NKX1-1: variants seen among roughly 807,000 people sequenced by gnomAD.
NKX1-1 encodes the protein NK1 transcription factor-related protein 1.
In NKX1-1, 7 loss-of-function variants were observed where a neutral mutation model predicts 1.7. The ratio of observed to expected loss-of-function variants is 4.22; its 90% CI spans 2.40 to 7.92. NKX1-1 has a LOEUF of 7.92. Ranked by LOEUF, NKX1-1 falls within the 30% of genes most tolerant of loss-of-function variation. The probability of loss-of-function intolerance (pLI) is 0.00; values close to 1 mark genes in which losing one functional copy is unlikely to be tolerated. For missense variants in NKX1-1, 453 were observed against 171.5 expected, an observed-to-expected ratio of 2.64 and a Z score of -9.17; for synonymous variants, 242 against 85.3, an observed-to-expected ratio of 2.84 and a Z score of -10.13.
intron 1 of NKX1-1, 135 bp from the exon 2 acceptor site, chr4:1,403,950 C>G (rs1285799310): frequency 1.1e-5 from 5 of 474,334 alleles, no homozygotes; most frequent in African/African-American, 4.1e-5. Flanking sequence ...CTTCGTCACC[C>G]GCCTCCTCTC....
intron 1 of NKX1-1, among the ~76,000 whole-genome samples, chr4:1,404,758 G>C (rs993437936): frequency 6.6e-6 from 1 of 152,230 alleles, no homozygotes; most frequent in Non-Finnish European, 1.5e-5. Flanking sequence ...CGGCAGCCGC[G>C]GCCTGCTCTC....
At position 1,403,640 on chromosome 4, in the gene NKX1-1, C is replaced by G. The variant is rs1248408271; in HGVS notation, c.639G>C (p.Ala213=). The change falls in exon 2 of 2, where the codon GCG becomes GCC. Residue 213 remains alanine, a synonymous_variant. Transcript: ENST00000422806. ...ETEAARGAEE[A]RGGGGGLGAR... ...CCCCGAGGCCGCCGCCGCCTCCCCG[C>G]GCCTCCTCCGCGCCTCGCGCCGCCT... 1 of 557,336 alleles carries G rather than the reference C, an allele frequency of 1.8e-6. No homozygotes were observed. Among genetic ancestry groups the G allele is most frequent in the Admixed American group, 3.7e-5 (1 of 27,248 alleles). 34.5% of individuals were successfully genotyped at this position (557,336 alleles called of 1,614,324 possible).
intron 1 of NKX1-1, among the ~76,000 whole-genome samples, chr4:1,404,496 G>T (rs920653985): frequency 1.3e-5 from 2 of 152,218 alleles, no homozygotes; most frequent in Non-Finnish European, 2.9e-5. Context: ...CCGCGGGTAG[G>T]GCCCTGCTCG....
chr4:1,403,775 G>A lies in NKX1-1; in HGVS notation c.504C>T (p.Asn168=), dbSNP rs748044414. 9 of 683,684 alleles carry A rather than the reference G, an allele frequency of 1.3e-5. No homozygotes were observed. Among genetic ancestry groups the A allele is most frequent in the South Asian group, 1.2e-4 (8 of 66,436 alleles). The allele number at this position is 683,684 out of a possible 1,614,324, so 42.4% of individuals were successfully genotyped here. ...DPFKAGEAET[N]DTNGYSSGGG... ...CGCCGCTGCTGTAGCCGTTGGTGTCGTTGGTCTCGGCCTCCCCTGCCTTGA... is the reference window on the plus strand; with the variant it reads ...CGCCGCTGCTGTAGCCGTTGGTGTCATTGGTCTCGGCCTCCCCTGCCTTGA... The change falls in exon 2 of 2, where the codon AAC becomes AAT. Residue 168 remains asparagine (N), a synonymous_variant. Transcript: ENST00000422806.
In NKX1-1 at chr4:1,403,320, T is replaced by C. The variant is rs746988904; in HGVS notation, c.959A>G (p.Tyr320Cys). The change falls in exon 2 of 2, where the codon TAC (tyrosine) becomes TGC (cysteine). Residue 320 changes from tyrosine to cysteine, a missense_variant. Physicochemically the swap from Tyr to Cys is radical, Grantham distance 194 (BLOSUM62 -2). Transcript: ENST00000422806. ...ALENKFKATR[Y>C]LSVCERLNLA... The stretch of plus-strand genomic sequence containing the variant: ...GTTGAGGCGCTCGCACACCGACAGG[T>C]AGCGCGTGGCCTTGAACTTGTTCTC... 1.4e-6 allele frequency: 1 copy of C among 719,834 alleles called. No homozygotes were observed. The highest frequency in any genetic ancestry group is 1.5e-5 in the South Asian group (1 of 65,624). The allele number at this position is 719,834 out of a possible 1,614,324, so 44.6% of individuals were successfully genotyped here. A position where few individuals can be genotyped will look rare whatever the true frequency, so the allele number is the denominator to read the frequency against.
chr4:1,403,481 C>G lies in NKX1-1; in HGVS notation c.798G>C (p.Pro266=). 1.8e-6 allele frequency: 1 copy of G among 568,574 alleles called. No homozygotes were observed. The highest frequency in any genetic ancestry group is 3.1e-6 in the Non-Finnish European group (1 of 322,660). The allele number at this position is 568,574 out of a possible 1,614,324, so 35.2% of individuals were successfully genotyped here. A position where few individuals can be genotyped will look rare whatever the true frequency, so the allele number is the denominator to read the frequency against. The change falls in exon 2 of 2, where the codon CCG becomes CCC. Residue 266 remains proline (P), a synonymous_variant. Coordinates refer to ENST00000422806, the MANE Select transcript of NKX1-1 (RefSeq NM_001290079.1). ...AQGPPGGAAA[P]GGAGTTPQGT... ...CCTGCGGGGTGGTCCCCGCGCCCCC[C>G]GGCGCCGCTGCACCTCCCGGTGGGC...
At position 1,403,499 on chromosome 4, in the gene NKX1-1, C is replaced by A; in HGVS notation, c.780G>T (p.Pro260=). Residue 260 remains proline, a synonymous_variant, in exon 2 of 2, where the codon CCG becomes CCT. Coordinates refer to ENST00000422806, the MANE Select transcript of NKX1-1 (RefSeq NM_001290079.1). Reference sequence around the variant, plus strand: ...CGCCCCCCGGCGCCGCTGCACCTCCCGGTGGGCCCTGGGCAACGGGCGAGT... The same window carrying A: ...CGCCCCCCGGCGCCGCTGCACCTCCAGGTGGGCCCTGGGCAACGGGCGAGT... ...RENSPVAQGP[P]GGAAAPGGAG... The A allele has an allele frequency of 1.9e-6, 1 of 526,550 alleles. No individual in the cohort carries two copies. The highest frequency in any genetic ancestry group is 3.3e-6 in the Non-Finnish European group (1 of 302,290). 32.6% of individuals were successfully genotyped at this position (526,550 alleles called of 1,614,324 possible). A position where few individuals can be genotyped will look rare whatever the true frequency, so the allele number is the denominator to read the frequency against.
Position 1,406,308 on chromosome 4 carries a change from C to G in NKX1-1, c.135G>C (p.Pro45=), listed in dbSNP as rs905917710. The change falls in exon 1 of 2, where the codon CCG becomes CCC. Residue 45 remains proline (P), a synonymous_variant. Coordinates refer to ENST00000422806, the MANE Select transcript of NKX1-1 (RefSeq NM_001290079.1). ...GCGGGGCTCCAGCGCGGGGAAAGGC[C>G]GGCAGCTCGGCGCGCCCGTCCATAG... ...QEAMDGRAEL[P]AFPRAGAPPL... is the part of the protein sequence containing the mutation. The G allele has an allele frequency of 1.3e-5, 5 of 396,568 alleles. No individual in the cohort carries two copies. In the Admixed American group the frequency reaches 1.4e-4, roughly 11 times the overall value. The allele number at this position is 396,568 out of a possible 1,614,324, so 24.6% of individuals were successfully genotyped here.
At chr4:1,404,417 G>GC (rs1328918457) in intron 1 of NKX1-1, among the ~76,000 whole-genome samples, 1 of 152,170 alleles carries the variant, frequency 6.6e-6, no homozygotes, top group Non-Finnish European at 1.5e-5. Context: ...AAGCCTCCAG[G>GC]CCCTGAGCTT....
chr4:1,404,181 C>A (rs999282346), intron 1 of NKX1-1, among the ~76,000 whole-genome samples: 4 of 152,232 alleles, frequency 2.6e-5, no homozygotes, highest in African/African-American at 9.6e-5. Flanking sequence ...AAGCTCTGAT[C>A]GATCCGCAGG....
rs917927414 is a variant in NKX1-1 at position 1,403,488 on chromosome 4, G to GCTGCAC, written c.785_790dup (p.Gly262_Ala263dup). ...GGTGGTCCCCGCGCCCCCCGGCGCC[G>GCTGCAC]CTGCACCTCCCGGTGGGCCCTGGGC... is the stretch of plus-strand genomic sequence containing the variant. On this transcript the variant is annotated inframe_insertion, in exon 2 of 2. Transcript: ENST00000422806. The GCTGCAC allele has an allele frequency of 1.3e-5, 7 of 547,724 alleles. No homozygotes were observed. Among genetic ancestry groups the GCTGCAC allele is most frequent in the African/African-American group, 4.0e-5 (2 of 49,670 alleles). 33.9% of individuals were successfully genotyped at this position (547,724 alleles called of 1,614,324 possible).
intron 1 of NKX1-1, among the ~76,000 whole-genome samples, chr4:1,405,620 G>C (rs965592548): frequency 1.3e-5 from 2 of 152,096 alleles, no homozygotes; most frequent in Non-Finnish European, 2.9e-5. Context: ...GGCCTCGGGC[G>C]GGCACAGTGG....
chr4:1,406,071 G>A lies in NKX1-1; in HGVS notation c.372C>T (p.Ala124=). The change falls in exon 1 of 2, where the codon GCC becomes GCT. Residue 124 remains alanine, a synonymous_variant. Coordinates refer to ENST00000422806, the MANE Select transcript of NKX1-1 (RefSeq NM_001290079.1). Reference sequence around the variant, plus strand: ...CCGCGCGTGGCGGGCGTCCCGAGGCGGCGGGTGCAGGGGCGCATGGGGCCG... The same window carrying A: ...CCGCGCGTGGCGGGCGTCCCGAGGCAGCGGGTGCAGGGGCGCATGGGGCCG... ...CASAPCAPAP[A]ASGRPPRAEE... is the part of the protein sequence containing the mutation. The A allele has an allele frequency of 2.0e-6, 1 of 496,358 alleles. No individual in the cohort carries two copies. Among genetic ancestry groups the A allele is most frequent in the East Asian group, 3.5e-5 (1 of 28,444 alleles). 30.7% of individuals were successfully genotyped at this position (496,358 alleles called of 1,614,324 possible).
rs891848296 is a variant in NKX1-1 at position 1,405,731 on chromosome 4, C to T, written c.463+249G>A. ...CGCGCGGAGGCGAACCCTGGACCGGCCTCACAGCCCTGCAGCCCCTGGGCC... is the reference window on the plus strand; with the variant it reads ...CGCGCGGAGGCGAACCCTGGACCGGTCTCACAGCCCTGCAGCCCCTGGGCC... On this transcript the variant is annotated intron_variant, in intron 1 of 1. Transcript: ENST00000422806. Among the ~76,000 whole-genome samples the T allele has an allele frequency of 5.9e-5, 9 of 152,332 alleles. No homozygotes were observed. The East Asian group carries it at 1.7e-3, about 29-fold the overall frequency.
At position 1,402,945 on chromosome 4, in the gene NKX1-1, G is replaced by T. The variant is rs1456754732; in HGVS notation, c.1334C>A (p.Ala445Glu). The T allele has an allele frequency of 1.5e-6, 1 of 665,712 alleles. No individual in the cohort carries two copies. The highest frequency in any genetic ancestry group is 1.9e-5 in the African/African-American group (1 of 52,996). The allele number at this position is 665,712 out of a possible 1,614,324, so 41.2% of individuals were successfully genotyped here. ...GCGGCACGGGGCTCAGAGGTGCGGC[G>T]CGTAGAAGGCGGGCGCCCCGTAGGT... ...SQTYGAPAFY[A>E]PHL The change falls in exon 2 of 2, where the codon GCG (alanine) becomes GAG (glutamate). Residue 445 changes from alanine to glutamate, a missense_variant. Coordinates refer to ENST00000422806, the MANE Select transcript of NKX1-1 (RefSeq NM_001290079.1).
chr4:1,406,309 G>T lies in NKX1-1; in HGVS notation c.134C>A (p.Pro45Gln). ...QEAMDGRAEL[P>Q]AFPRAGAPPL... ...CGGGGCTCCAGCGCGGGGAAAGGCC[G>T]GCAGCTCGGCGCGCCCGTCCATAGC... Residue 45 changes from proline (P) to glutamine (Q), a missense_variant, in exon 1 of 2, where the codon CCG becomes CAG. Physicochemically the swap from Pro to Gln is moderately conservative, Grantham distance 76. Coordinates refer to ENST00000422806, the MANE Select transcript of NKX1-1 (RefSeq NM_001290079.1). 5.0e-6 allele frequency: 2 copies of T among 396,924 alleles called. No homozygotes were observed. Among genetic ancestry groups the T allele is most frequent in the Admixed American group, 9.1e-5 (2 of 21,922 alleles). 24.6% of individuals were successfully genotyped at this position (396,924 alleles called of 1,614,324 possible).
chr4:1,403,192 G>C lies in NKX1-1; in HGVS notation c.1087C>G (p.Pro363Ala), dbSNP rs900302171. ...CCCGGTCCGCCCCCGCCGCCGGTCG[G>C]AGCGCTGGTGTCGGCGCCCGGGTTC... ...KQNPGADTSA[P>A]TGGGGGPGPG... The change falls in exon 2 of 2, where the codon CCG becomes GCG. Residue 363 changes from proline to alanine, a missense_variant. Transcript: ENST00000422806. 3.0e-6 allele frequency: 2 copies of C among 675,238 alleles called. No individual in the cohort carries two copies. The highest frequency in any genetic ancestry group is 4.3e-5 in the Admixed American group (2 of 46,250). 41.8% of individuals were successfully genotyped at this position (675,238 alleles called of 1,614,324 possible).
At chr4:1,405,418 G>A (rs538136561) in intron 1 of NKX1-1, among the ~76,000 whole-genome samples, 14 of 152,258 alleles carry the variant, frequency 9.2e-5, no homozygotes, top group Non-Finnish European at 1.6e-4. Context: ...TGCACGCGCC[G>A]TAATGGGATA....
intron 1 of NKX1-1, among the ~76,000 whole-genome samples, 176 bp from the exon 2 acceptor site, chr4:1,403,991 T>G (rs1206019764): frequency 6.7e-6 from 1 of 148,826 alleles, no homozygotes; most frequent in Non-Finnish European, 1.5e-5. Context: ...TTCCCTCCCC[T>G]CGGCCTGTCC....
Sources: allele counts gnomAD v4.1 joint callset (sites outside exome capture counted in the v4.1 genomes callset), GRCh38; gene constraint gnomAD v4.1.1; transcripts MANE v1.5; gene names NCBI Gene and HGNC (gene_info 2026-07-23, HGNC 2026-07-21).